DMD: variants seen among roughly 807,000 people sequenced by gnomAD.
The protein encoded by DMD is dystrophin.
In DMD, 63 loss-of-function variants were observed where a neutral mutation model predicts 330.1. The ratio of observed to expected loss-of-function variants is 0.19; its 90% CI spans 0.16 to 0.24. DMD has a LOEUF of 0.24. Ranked by LOEUF, DMD falls within the 10% of genes least tolerant of loss-of-function variation. The probability of loss-of-function intolerance (pLI) is 1.00; values close to 1 mark genes in which losing one functional copy is unlikely to be tolerated. For missense variants in DMD, 3,344 were observed against 2,684.1 expected (o/e 1.25, Z -5.43); for synonymous variants, 1,223 against 959.8 (o/e 1.27, Z -5.07).
chrX:33,281,487 G>A (rs1400246384), intron 1 of DMD, among the ~76,000 whole-genome samples: 2 of 111,729 alleles, frequency 1.8e-5, no homozygotes, highest in Non-Finnish European at 3.8e-5. Flanking sequence ...GGGATTACGG[G>A]CATGAGCCAC....
intron 9 of DMD, among the ~76,000 whole-genome samples, chrX:32,662,213 C>A (rs1195035145): frequency 2.7e-5 from 3 of 111,331 alleles, no homozygotes; most frequent in African/African-American, 9.8e-5. Flanking sequence ...CTTTATATTA[C>A]ACTAAAAAGG....
intron 2 of DMD, among the ~76,000 whole-genome samples, chrX:32,896,659 G>A (rs1180368523): frequency 8.9e-6 from 1 of 112,013 alleles, no homozygotes; most frequent in African/African-American, 3.2e-5. Flanking sequence ...CAAAATATAG[G>A]ATGTTAAATG....
intron 48 of DMD, among the ~76,000 whole-genome samples, chrX:31,838,904 G>A (rs947462359): frequency 4.5e-5 from 5 of 111,759 alleles, no homozygotes; most frequent in African/African-American, 1.6e-4. Context: ...TAACAGCTAC[G>A]TCTTCATATC....
At chrX:32,020,118 A>T (rs1391655993) in intron 44 of DMD, among the ~76,000 whole-genome samples, 1 of 112,960 alleles carries the variant, frequency 8.9e-6, no homozygotes, top group Non-Finnish European at 1.9e-5. Context: ...AAAGCCAGTT[A>T]TCAGTCTTGC....
At position 33,224,878 on chromosome X, in the gene DMD, A is replaced by G. The variant is rs1460408649; in HGVS notation, c.7+114381T>C. Reference sequence around the variant, plus strand: ...TTTGCTGTGAACCTAAAGGTTCTCCAAAAATAAAGTCTATTAACAATCACT... The same window carrying G: ...TTTGCTGTGAACCTAAAGGTTCTCCGAAAATAAAGTCTATTAACAATCACT... On this transcript the variant is annotated intron_variant, in intron 1 of 17. Coordinates refer to the DMD transcript ENST00000288447. Among the ~76,000 whole-genome samples, 67 of 111,599 alleles carry G rather than the reference A, an allele frequency of 6.0e-4. 1 individual carries two copies. In the Admixed American group the frequency reaches 6.3e-3, roughly 11 times the overall value.
chrX:33,247,230 A>T (rs1189518899), intron 1 of DMD, among the ~76,000 whole-genome samples: 1 of 111,616 alleles, frequency 9.0e-6, no homozygotes, highest in African/African-American at 3.3e-5. Context: ...GGGGTTGATA[A>T]ACTAACCAAA....
chrX:31,214,945 T>TTTTTC (rs2045230001), intron 64 of DMD, among the ~76,000 whole-genome samples: 1 of 77,694 alleles, frequency 1.3e-5, no homozygotes, highest in Admixed American at 1.5e-4. Context: ...TTCTTTTTTT[T>TTTTTC]TTTTTTTTTT....
chrX:32,880,283 C>CAAAAAAA (rs1178366471), intron 2 of DMD, among the ~76,000 whole-genome samples: 2 of 94,666 alleles, frequency 2.1e-5, no homozygotes, highest in East Asian at 7.8e-4. Context: ...TCCAACAGGG[C>CAAAAAAA]CAAAAAAAAA....
intron 34 of DMD, among the ~76,000 whole-genome samples, chrX:32,375,719 C>T (rs1446859141): frequency 1.8e-5 from 2 of 111,403 alleles, no homozygotes; most frequent in African/African-American, 6.5e-5. Context: ...CATCTTTCTG[C>T]TTTTACTATA....
intron 7 of DMD, among the ~76,000 whole-genome samples, chrX:32,707,113 A>G (rs2064748142): frequency 9.0e-6 from 1 of 111,269 alleles, no homozygotes; most frequent in Non-Finnish European, 1.9e-5. Flanking sequence ...AAAAAAATCT[A>G]TATTGAAAAT....
At chrX:32,032,119 T>G (rs951267332) in intron 44 of DMD, among the ~76,000 whole-genome samples, 2 of 111,553 alleles carry the variant, frequency 1.8e-5, no homozygotes, top group Non-Finnish European at 3.8e-5. Flanking sequence ...AGGTTAATGC[T>G]GACCGAAAGA....
chrX:32,727,490 C>T (rs1314033274), intron 7 of DMD, among the ~76,000 whole-genome samples: 3 of 110,240 alleles, frequency 2.7e-5, no homozygotes, highest in Admixed American at 1.9e-4. Flanking sequence ...CTATAATCAC[C>T]TTAATTAATT....
At position 33,036,616 on chromosome X, in the gene DMD, G is replaced by C. The variant is rs777090972; in HGVS notation, c.32-16416C>G. ...GTGAAAAATCATCTCCGTAAGTTTT[G>C]GTACATATTTTCAAATTACTTCTCA... On this transcript the variant is annotated intron_variant, in intron 1 of 78. Transcript: ENST00000357033. Among the ~76,000 whole-genome samples, 80 of 110,597 alleles carry C rather than the reference G, an allele frequency of 7.2e-4. 1 individual carries two copies. Among genetic ancestry groups the C allele is most frequent in the African/African-American group, 2.4e-3 (72 of 30,512 alleles).
intron 2 of DMD, among the ~76,000 whole-genome samples, chrX:32,971,844 C>T (rs752903338): frequency 2.7e-5 from 3 of 110,439 alleles, no homozygotes; most frequent in Non-Finnish European, 3.8e-5. Context: ...AAAGTGGTGG[C>T]CAAGAATATT....
intron 47 of DMD, among the ~76,000 whole-genome samples, chrX:31,913,391 T>C (rs914399061): frequency 9.8e-5 from 11 of 111,873 alleles, no homozygotes; most frequent in African/African-American, 2.9e-4. Flanking sequence ...ATATTCTACA[T>C]TGGCTATACC....
At chrX:32,197,895 A>G (rs1246233118) in intron 44 of DMD, among the ~76,000 whole-genome samples, 1 of 111,587 alleles carries the variant, frequency 9.0e-6, no homozygotes, top group African/African-American at 3.3e-5. Context: ...ATTATTAATT[A>G]TAGTCACTAT....
At chrX:32,248,032 T>A (rs1378395881) in intron 43 of DMD, among the ~76,000 whole-genome samples, 1 of 111,609 alleles carries the variant, frequency 9.0e-6, no homozygotes, top group Non-Finnish European at 1.9e-5. Flanking sequence ...TATGACCACA[T>A]TGATTTGAAG....
At chrX:32,822,584 GAT>G (rs1275718915) in intron 5 of DMD, among the ~76,000 whole-genome samples, 1 of 109,624 alleles carries the variant, frequency 9.1e-6, no homozygotes, top group African/African-American at 3.3e-5. Flanking sequence ...ATAATGTGTG[GAT>G]ATGAGTGTGT....
chrX:32,347,041 T>A (rs1436418425), intron 38 of DMD, among the ~76,000 whole-genome samples: 1 of 111,782 alleles, frequency 8.9e-6, no homozygotes, highest in African/African-American at 3.2e-5. Flanking sequence ...AGGAATTAGA[T>A]GTTATATATT....
Sources: allele counts gnomAD v4.1 joint callset (sites outside exome capture counted in the v4.1 genomes callset), GRCh38; gene constraint gnomAD v4.1.1; transcripts MANE v1.5; gene names NCBI Gene and HGNC (gene_info 2026-07-23, HGNC 2026-07-21).